KDM4C: variants seen among roughly 807,000 people sequenced by gnomAD.
KDM4C encodes lysine demethylase 4C, also known as lysine-specific demethylase 4C.
A neutral mutation model predicts 129.3 loss-of-function variants in KDM4C; 81 were observed. The observed-to-expected ratio is 0.63, with a 90% CI of 0.52 to 0.75. The LOEUF (loss-of-function observed/expected upper bound fraction) is 0.75. KDM4C is among the 30% of genes least tolerant of loss of function. The pLI, the probability that KDM4C is intolerant of heterozygous loss-of-function variation, is 0.00. For synonymous variants in KDM4C, 573 were observed against 456.1 expected (o/e 1.26, Z -3.26); for missense variants, 1,457 against 1,304.0 (o/e 1.12, Z -1.81).
intron 1 of KDM4C, among the ~76,000 whole-genome samples, chr9:6,768,374 T>C (rs988103715): frequency 5.9e-5 from 9 of 152,036 alleles, no homozygotes; most frequent in African/African-American, 1.9e-4. Context: ...GCTTCCCTTT[T>C]AGGGAATTTT....
intron 8 of KDM4C, among the ~76,000 whole-genome samples, chr9:6,942,874 A>G (rs1454549853): frequency 1.3e-5 from 2 of 151,984 alleles, no homozygotes. Flanking sequence ...CAAATTTATT[A>G]TTATTATTTT....
chr9:6,723,469 GCTC>G (rs1817023326), intron 1 of KDM4C: 1 of 152,054 alleles, frequency 6.6e-6, no homozygotes, highest in African/African-American at 2.4e-5. Context: ...GTGTGGAACT[GCTC>G]CTGTCACACC....
chr9:6,806,859 G>GCTCTCC (rs976008275), intron 3 of KDM4C, among the ~76,000 whole-genome samples: 27 of 146,746 alleles, frequency 1.8e-4, no homozygotes, highest in African/African-American at 6.6e-4. Context: ...ACACACTGTT[G>GCTCTCC]CTCTCCCTCT....
At chr9:6,872,676 C>G (rs1382778138) in intron 5 of KDM4C, among the ~76,000 whole-genome samples, 1 of 152,152 alleles carries the variant, frequency 6.6e-6, no homozygotes, top group Non-Finnish European at 1.5e-5. Context: ...TTACCAGAGA[C>G]TAGGATGGCA....
chr9:7,040,640 A>T (rs1351893600), intron 15 of KDM4C, among the ~76,000 whole-genome samples: 1 of 151,596 alleles, frequency 6.6e-6, no homozygotes, highest in African/African-American at 2.4e-5. Flanking sequence ...CTTTTTTTTT[A>T]AAAGGTTGTT....
intron 17 of KDM4C, among the ~76,000 whole-genome samples, chr9:7,102,602 C>A (rs1837227619): frequency 6.6e-6 from 1 of 152,076 alleles, no homozygotes; most frequent in South Asian, 2.1e-4. Flanking sequence ...GATTAAGTCA[C>A]CGATCAGATG....
At chr9:7,145,901 C>T (rs1043368350) in intron 19 of KDM4C, among the ~76,000 whole-genome samples, 1 of 152,200 alleles carries the variant, frequency 6.6e-6, no homozygotes, top group Non-Finnish European at 1.5e-5. Context: ...CTCCAGGACA[C>T]TCTGAGGATG....
At chr9:7,042,312 C>T (rs1405405636) in intron 15 of KDM4C, among the ~76,000 whole-genome samples, 1 of 152,032 alleles carries the variant, frequency 6.6e-6, no homozygotes, top group Non-Finnish European at 1.5e-5. Flanking sequence ...TCCAGTTTCA[C>T]TGTTGTTCCT....
chr9:6,757,816 A>G, upstream of KDM4C: 2 of 985,620 alleles, frequency 2.0e-6, no homozygotes, highest in Non-Finnish European at 2.4e-6. Flanking sequence ...CCAAAGGACA[A>G]GAAGATGCGC....
chr9:6,829,095 C>T (rs996341304), intron 4 of KDM4C, among the ~76,000 whole-genome samples: 2 of 152,188 alleles, frequency 1.3e-5, no homozygotes, highest in African/African-American at 4.8e-5. Context: ...GTGCAAGGAG[C>T]TTACTGGTTA....
At chr9:7,115,603 A>G (rs995183242) in intron 18 of KDM4C, among the ~76,000 whole-genome samples, 7 of 152,218 alleles carry the variant, frequency 4.6e-5, no homozygotes, top group Admixed American at 4.6e-4. Flanking sequence ...GATACTGACA[A>G]AATGTAATGA....
intron 8 of KDM4C, among the ~76,000 whole-genome samples, chr9:6,944,330 T>C (rs564771279): frequency 1.3e-5 from 2 of 152,350 alleles, no homozygotes; most frequent in African/African-American, 4.8e-5. Flanking sequence ...TTAAACTCTG[T>C]TCTCCAAATT....
rs1817296075 is a variant in KDM4C, at chr9:6,984,280, C to G, written c.1230C>G (p.Leu410=). The change falls in exon 10 of 22, where the codon CTC becomes CTG. Residue 410 remains leucine, a synonymous_variant. Coordinates refer to ENST00000381309, the MANE Select transcript of KDM4C (RefSeq NM_015061.6). ...ACCCCGACTCAGTCACAGATGACCT[C>G]AAGGTCAGTGAAAAGTCAGAAGCAG... The part of the protein sequence containing the change: ...VPNPDSVTDD[L]KVSEKSEAAV... The G allele has an allele frequency of 6.2e-7, 1 of 1,613,698 alleles. No homozygotes were observed. Among genetic ancestry groups the G allele is most frequent in the Non-Finnish European group, 8.5e-7 (1 of 1,179,652 alleles).
chr9:6,953,809 A>G (rs1047975391), intron 8 of KDM4C, among the ~76,000 whole-genome samples: 2 of 152,136 alleles, frequency 1.3e-5, no homozygotes, highest in African/African-American at 4.8e-5. Context: ...TCTTCTCCCA[A>G]ACTTGAATGG....
chr9:6,871,653 T>G (rs766748625), intron 5 of KDM4C, among the ~76,000 whole-genome samples: 3 of 152,224 alleles, frequency 2.0e-5, no homozygotes, highest in Non-Finnish European at 4.4e-5. Context: ...TTTGATGGTT[T>G]TCAAAGTATA....
chr9:7,029,627 T>C (rs1251547835), intron 15 of KDM4C, among the ~76,000 whole-genome samples: 8 of 151,982 alleles, frequency 5.3e-5, no homozygotes. Context: ...AAGGAATGTG[T>C]GTAAGATTAT....
At chr9:7,093,994 C>T (rs1412964615) in intron 17 of KDM4C, among the ~76,000 whole-genome samples, 1 of 152,156 alleles carries the variant, frequency 6.6e-6, no homozygotes, top group Non-Finnish European at 1.5e-5. Flanking sequence ...GCATTATTTA[C>T]CTTTTACTGT....
intron 5 of KDM4C, among the ~76,000 whole-genome samples, chr9:6,850,036 A>C (rs1225803167): frequency 6.6e-6 from 1 of 152,220 alleles, no homozygotes. Context: ...TTTGTAGCTA[A>C]ATACTTTGTG....
chr9:6,945,116 C>G (rs375289144), intron 8 of KDM4C, among the ~76,000 whole-genome samples: 5 of 152,128 alleles, frequency 3.3e-5, no homozygotes, highest in East Asian at 1.9e-4. Flanking sequence ...CCACCTCTTA[C>G]TCACTGCACG....
Sources: allele counts gnomAD v4.1 joint callset (sites outside exome capture counted in the v4.1 genomes callset), GRCh38; gene constraint gnomAD v4.1.1; transcripts MANE v1.5; gene names NCBI Gene and HGNC (gene_info 2026-07-23, HGNC 2026-07-21).